Variants in VWA8 observed in about 807,000 individuals in gnomAD.
VWA8 encodes the protein von Willebrand factor A domain-containing protein 8.
Under a neutral mutation model 241.5 loss-of-function variants are expected in VWA8, and 221 were observed. That is an observed-to-expected ratio of 0.91 (90% confidence interval 0.82 to 1.02). The LOEUF (loss-of-function observed/expected upper bound fraction) is 1.02, where lower values mean the gene tolerates loss of function less well. Ranked by LOEUF, VWA8 falls within the 50% of genes least tolerant of loss-of-function variation. The pLI, the probability that VWA8 is intolerant of heterozygous loss-of-function variation, is 0.00. For synonymous variants in VWA8, 852 were observed against 827.1 expected (o/e 1.03, Z -0.52); for missense variants, 2,322 against 2,328.7 (o/e 1.00, Z 0.06).
chr13:41,568,452 TA>T, intron 44 of VWA8, 147 bp from the exon 45 acceptor site: 1 of 562,740 alleles, frequency 1.8e-6, no homozygotes, highest in Non-Finnish European at 3.2e-6. Flanking sequence ...ACCATTGAAT[TA>T]GTCGTCATTA....
chr13:41,889,681 T>TA (rs1448705282), intron 5 of VWA8, among the ~76,000 whole-genome samples: 1 of 152,160 alleles, frequency 6.6e-6, no homozygotes, highest in Non-Finnish European at 1.5e-5. Flanking sequence ...ACCCAGCCAC[T>TA]AAACCTCTTT....
At chr13:41,797,329 C>T (rs1164948597) in intron 17 of VWA8, among the ~76,000 whole-genome samples, 1 of 152,056 alleles carries the variant, frequency 6.6e-6, no homozygotes, top group Non-Finnish European at 1.5e-5. Context: ...CATAAGCCAC[C>T]ACACCTGGAC....
chr13:41,684,896 T>C, intron 35 of VWA8, 151 bp downstream of exon 35: 2 of 682,688 alleles, frequency 2.9e-6, no homozygotes, highest in Non-Finnish European at 4.9e-6. Flanking sequence ...ACTTTCTGAA[T>C]ACGGAGAGGT....
intron 21 of VWA8, among the ~76,000 whole-genome samples, chr13:41,755,087 C>T (rs111631362): frequency 0.033 from 5,017 of 151,994 alleles, 272 homozygotes; most frequent in African/African-American, 0.11. Context: ...TGCAGATGTC[C>T]CTTCAATATA....
chr13:41,602,171 C>T lies in VWA8; in HGVS notation c.4986+2997G>A, dbSNP rs554233999. ...CTTCCTAAATGGAGGACTAGAAGGCCCACCTGAGAATAACTCCCCTATGGA... is the reference window on the plus strand; with the variant it reads ...CTTCCTAAATGGAGGACTAGAAGGCTCACCTGAGAATAACTCCCCTATGGA... On this transcript the variant is annotated intron_variant, in intron 40 of 44. Coordinates refer to ENST00000379310, the MANE Select transcript of VWA8 (RefSeq NM_015058.2). Among the ~76,000 whole-genome samples, 4 of 151,988 alleles carry T rather than the reference C, an allele frequency of 2.6e-5. No individual in the cohort carries two copies. The East Asian group carries it at 7.7e-4, about 29-fold the overall frequency.
At chr13:41,889,198 G>A (rs1190262179) in intron 5 of VWA8, among the ~76,000 whole-genome samples, 1 of 152,148 alleles carries the variant, frequency 6.6e-6, no homozygotes, top group African/African-American at 2.4e-5. Flanking sequence ...GTTGTCTTAA[G>A]ATGATAGTGC....
At chr13:41,864,626 G>T in intron 12 of VWA8, 1 of 439,974 alleles carries the variant, frequency 2.3e-6, no homozygotes, top group South Asian at 1.6e-5. Flanking sequence ...ACCTAGAATA[G>T]GCAAATTTAT....
At chr13:41,664,139 T>C (rs1379169672) in intron 37 of VWA8, among the ~76,000 whole-genome samples, 1 of 151,996 alleles carries the variant, frequency 6.6e-6, no homozygotes. Context: ...GTAATGTTTT[T>C]GAGATTTGCA....
chr13:41,803,449 C>T (rs1365204731), intron 17 of VWA8, among the ~76,000 whole-genome samples: 1 of 152,202 alleles, frequency 6.6e-6, no homozygotes, highest in Admixed American at 6.5e-5. Flanking sequence ...GTTTAATGGA[C>T]TCACAGTTCC....
rs185922982 is a variant in VWA8, at chr13:41,808,409, G to A, written c.2063+2816C>T. 2.8e-4 allele frequency among the ~76,000 whole-genome samples: 42 copies of A among 152,278 alleles called. No individual in the cohort carries two copies. In the East Asian group the frequency reaches 7.9e-3, roughly 29 times the overall value. ...CTTTAGGAAACTTAAAATCATGGCA[G>A]AAGGCAACGGGGGAACAAGCACTTC... On this transcript the variant is annotated intron_variant, in intron 17 of 44. Coordinates refer to ENST00000379310, the MANE Select transcript of VWA8 (RefSeq NM_015058.2).
intron 4 of VWA8, among the ~76,000 whole-genome samples, chr13:41,897,697 T>C (rs146061458): frequency 1.3e-5 from 2 of 152,210 alleles, no homozygotes; most frequent in Admixed American, 1.3e-4. Context: ...GGGCTCGTGG[T>C]CTCGCTGGCT....
At chr13:41,901,909 TATATAC>T (rs1467654608) in intron 4 of VWA8, among the ~76,000 whole-genome samples, 4,149 of 93,520 alleles carry the variant, frequency 0.044, 171 homozygotes, top group South Asian at 0.071. Flanking sequence ...TATATATATA[TATATAC>T]ACACACATAT....
chr13:41,863,434 T>TAA (rs1873124696), intron 12 of VWA8, among the ~76,000 whole-genome samples: 7 of 69,150 alleles, frequency 1.0e-4, no homozygotes, highest in African/African-American at 4.2e-4. Flanking sequence ...TGTGTGTGTG[T>TAA]ATATATATAT....
chr13:41,693,069 A>G (rs2045190877), intron 29 of VWA8, 97 bp from the exon 30 acceptor site: 1 of 725,188 alleles, frequency 1.4e-6, no homozygotes, highest in African/African-American at 1.8e-5. Context: ...TGAAGGTTAT[A>G]GTGATAAATC....
chr13:41,837,035 TGATAGATAGATA>T (rs67765155), intron 12 of VWA8, among the ~76,000 whole-genome samples: 2,095 of 148,680 alleles, frequency 0.014, 18 homozygotes, highest in South Asian at 0.034. Flanking sequence ...TGCAGATAGA[TGATAGATAGATA>T]GATAGATAGA....
At chr13:41,776,006 C>CCACCAAATGGT (rs201374163) in intron 20 of VWA8, among the ~76,000 whole-genome samples, 1,643 of 152,306 alleles carry the variant, frequency 0.011, 32 homozygotes, top group African/African-American at 0.038. Flanking sequence ...AAGAAACCAA[C>CCACCAAATGGT]TGCATCTAAC....
intron 2 of VWA8, among the ~76,000 whole-genome samples, chr13:41,934,868 A>G (rs552589903): frequency 6.6e-6 from 1 of 152,196 alleles, no homozygotes; most frequent in South Asian, 2.1e-4. Context: ...ACATCAAATT[A>G]TACATTCTAA....
At chr13:41,872,097 A>T (rs1194930166) in intron 9 of VWA8, among the ~76,000 whole-genome samples, 1 of 152,192 alleles carries the variant, frequency 6.6e-6, no homozygotes, top group Non-Finnish European at 1.5e-5. Context: ...GGCTGCATAA[A>T]TGTCTTCTTT....
At chr13:41,945,987 A>G (rs1324060434) in intron 2 of VWA8, among the ~76,000 whole-genome samples, 1 of 152,170 alleles carries the variant, frequency 6.6e-6, no homozygotes, top group Admixed American at 6.5e-5. Flanking sequence ...TCAAACTATC[A>G]AAAAGCTGAA....
Sources: allele counts gnomAD v4.1 joint callset (sites outside exome capture counted in the v4.1 genomes callset), GRCh38; gene constraint gnomAD v4.1.1; transcripts MANE v1.5; gene names NCBI Gene and HGNC (gene_info 2026-07-23, HGNC 2026-07-21).